MORC1: variants seen among roughly 807,000 people sequenced by gnomAD.
MORC1 encodes the protein MORC family CW-type zinc finger protein 1.
MORC1 carries 59 observed loss-of-function variants against 134.9 expected under a neutral mutation model. That is an observed-to-expected ratio of 0.44 (90% CI 0.35 to 0.54). The LOEUF is 0.54. MORC1 is among the 20% of genes least tolerant of loss of function. MORC1 has a pLI of 0.00. For missense variants in MORC1, 947 were observed against 1,134.5 expected (o/e 0.83, Z 2.37); for synonymous variants, 395 against 391.7 (o/e 1.01, Z -0.10).
chr3:109,066,694 T>C (rs549818775), intron 9 of MORC1, among the ~76,000 whole-genome samples: 4 of 152,358 alleles, frequency 2.6e-5, no homozygotes, highest in African/African-American at 4.8e-5. Context: ...TAATAACAAC[T>C]ACTATTGGTT....
chr3:109,054,709 ATGACTAT>A lies in MORC1; in HGVS notation c.1330+12_1330+18del. Reference sequence around the variant, plus strand: ...AATCCCTCTGTAAGTATCTCCTACTATGACTATTGAATACTCACTGATGCCGGTGTCC... The same window carrying A: ...AATCCCTCTGTAAGTATCTCCTACTATGAATACTCACTGATGCCGGTGTCC... On this transcript the variant is annotated intron_variant, in intron 14 of 27. Coordinates refer to ENST00000232603, the MANE Select transcript of MORC1 (RefSeq NM_014429.4). 2 of 1,502,590 alleles carry A rather than the reference ATGACTAT, an allele frequency of 1.3e-6. No homozygotes were observed. The highest frequency in any genetic ancestry group is 2.8e-5 in the South Asian group (2 of 71,344). 93.1% of individuals were successfully genotyped at this position (1,502,590 alleles called of 1,614,324 possible).
At chr3:108,994,726 C>A (rs539891570) in intron 21 of MORC1, among the ~76,000 whole-genome samples, 1 of 151,944 alleles carries the variant, frequency 6.6e-6, no homozygotes, top group Non-Finnish European at 1.5e-5. Context: ...TGAGCCTCAG[C>A]ACATTATTGC....
chr3:109,030,641 C>T (rs1353124568), intron 16 of MORC1, among the ~76,000 whole-genome samples: 1 of 152,022 alleles, frequency 6.6e-6, no homozygotes, highest in African/African-American at 2.4e-5. Flanking sequence ...TATAAGAAAA[C>T]TTTTTTGCAC....
rs140336454 is a variant in MORC1 at position 109,009,373 on chromosome 3, T to G, written c.1705-2282A>C. ...GGCGCATGCCACCACGCCCAGCTAA[T>G]TTTTGTATTTTTAGTAGAGACAGGG... On this transcript the variant is annotated intron_variant, in intron 17 of 27. Coordinates refer to ENST00000232603, the MANE Select transcript of MORC1 (RefSeq NM_014429.4). 6.4e-3 allele frequency among the ~76,000 whole-genome samples: 970 copies of G among 152,022 alleles called. 22 individuals carry two copies. The highest frequency in any genetic ancestry group is 0.022 in the African/African-American group (931 of 41,458).
chr3:109,076,067 T>A (rs994752762), intron 8 of MORC1, among the ~76,000 whole-genome samples: 2 of 151,874 alleles, frequency 1.3e-5, no homozygotes, highest in Non-Finnish European at 2.9e-5. Flanking sequence ...TGGGGGGAAA[T>A]TTTTGCAATC....
intron 27 of MORC1, among the ~76,000 whole-genome samples, chr3:108,962,599 C>T (rs1272750261): frequency 1.3e-5 from 2 of 152,132 alleles, no homozygotes; most frequent in Non-Finnish European, 2.9e-5. Flanking sequence ...GCACTCAGGG[C>T]CTATATTTGA....
chr3:109,023,899 T>C (rs1274021305), intron 17 of MORC1, among the ~76,000 whole-genome samples: 3 of 152,108 alleles, frequency 2.0e-5, no homozygotes, highest in Non-Finnish European at 2.9e-5. Flanking sequence ...AAACAGCAGG[T>C]AATGTGGAAT....
At chr3:109,036,103 T>C (rs926570295) in intron 14 of MORC1, among the ~76,000 whole-genome samples, 3 of 152,130 alleles carry the variant, frequency 2.0e-5, no homozygotes, top group Admixed American at 6.5e-5. Context: ...TTGCCATGTA[T>C]ATTATAGCAT....
At chr3:108,982,726 TAAA>T (rs72358419) in intron 23 of MORC1, among the ~76,000 whole-genome samples, 3 of 117,860 alleles carry the variant, frequency 2.5e-5, no homozygotes, top group Admixed American at 8.6e-5. Context: ...ACTTAAAGTA[TAAA>T]AAAAAAAAAA....
intron 3 of MORC1, among the ~76,000 whole-genome samples, chr3:109,108,189 G>GA: frequency 6.6e-6 from 1 of 151,140 alleles, no homozygotes; most frequent in Non-Finnish European, 1.5e-5. Context: ...ACTCCATCTC[G>GA]AAAAAAAAGG....
At chr3:109,037,902 T>A (rs929829023) in intron 14 of MORC1, among the ~76,000 whole-genome samples, 4 of 152,246 alleles carry the variant, frequency 2.6e-5, no homozygotes, top group African/African-American at 7.2e-5. Context: ...TCAGTAAACA[T>A]ACATGTGCAT....
In MORC1 at chr3:108,971,178, T is replaced by C. The variant is rs549709835; in HGVS notation, c.2550+152A>G. On this transcript the variant is annotated intron_variant, in intron 25 of 27. Transcript: ENST00000232603. ...CAGCCACAATAATTTCAAATATAGCTTTAATTATGAATCACCATTTGGTAT... is the reference window on the plus strand; with the variant it reads ...CAGCCACAATAATTTCAAATATAGCCTTAATTATGAATCACCATTTGGTAT... 32 of 637,502 alleles carry C rather than the reference T, an allele frequency of 5.0e-5. No homozygotes were observed. The Admixed American group carries it at 7.7e-4, about 15-fold the overall frequency. 39.5% of individuals were successfully genotyped at this position (637,502 alleles called of 1,614,324 possible). A position where few individuals can be genotyped will look rare whatever the true frequency, so the allele number is the denominator to read the frequency against.
intron 24 of MORC1, 29 bp downstream of exon 24, chr3:108,979,486 T>C (rs1021369956): frequency 2.5e-6 from 4 of 1,608,022 alleles, no homozygotes; most frequent in African/African-American, 1.3e-5. Context: ...AAACAAAGCA[T>C]GTGGAAATAT....
At chr3:109,078,150 C>T (rs913806583) in intron 8 of MORC1, among the ~76,000 whole-genome samples, 5 of 151,974 alleles carry the variant, frequency 3.3e-5, no homozygotes, top group African/African-American at 7.2e-5. Flanking sequence ...TTCTAACATA[C>T]TGCTCTCAGA....
At chr3:109,084,369 C>T (rs145620378) in intron 8 of MORC1, among the ~76,000 whole-genome samples, 51 of 152,102 alleles carry the variant, frequency 3.4e-4, no homozygotes, top group African/African-American at 1.2e-3. Context: ...AGCAAACAAT[C>T]TAAAAAAGAA....
intron 25 of MORC1, among the ~76,000 whole-genome samples, chr3:108,970,044 C>CT (rs1947334377): frequency 6.6e-6 from 1 of 152,062 alleles, no homozygotes; most frequent in Admixed American, 6.5e-5. Flanking sequence ...GAGAGCGCAG[C>CT]TGGAGTCTGG....
intron 15 of MORC1, among the ~76,000 whole-genome samples, chr3:109,033,851 C>G (rs9941981): frequency 0.48 from 72,313 of 151,902 alleles, 20,344 homozygotes; most frequent in East Asian, 0.91. Context: ...TATAATGTAG[C>G]TACAAGTACT....
rs979151153 is a variant in MORC1, at chr3:109,044,718, G to A, written c.1331-9250C>T. Among the ~76,000 whole-genome samples the A allele has an allele frequency of 2.6e-5, 4 of 152,128 alleles. No individual in the cohort carries two copies. In the South Asian group the frequency reaches 6.2e-4, roughly 24 times the overall value. ...CCAGCACTTTGGGAAGCTGAGGTGA[G>A]CAGCTCATTCAAGGTCAGGAGTTCA... On this transcript the variant is annotated intron_variant, in intron 14 of 27. Transcript: ENST00000232603.
chr3:109,102,316 G>T (rs1950944103), intron 4 of MORC1, among the ~76,000 whole-genome samples: 1 of 152,136 alleles, frequency 6.6e-6, no homozygotes, highest in African/African-American at 2.4e-5. Context: ...GGTCTTGGAA[G>T]AGATGCTGAG....
Sources: gnomAD v4.1 joint callset for allele counts (sites outside exome capture counted in the v4.1 genomes callset) on GRCh38, gnomAD v4.1.1 for gene constraint, MANE v1.5 for transcripts, NCBI Gene and HGNC (gene_info 2026-07-23, HGNC 2026-07-21) for gene names.